BCAS3: variants seen among roughly 807,000 people sequenced by gnomAD.
The protein encoded by BCAS3 is BCAS4/BCAS3 fusion.
Under a neutral mutation model 116.1 loss-of-function variants are expected in BCAS3, and 53 were observed. The ratio of observed to expected loss-of-function variants is 0.46; its 90% confidence interval spans 0.37 to 0.57. BCAS3 has a LOEUF of 0.57. Among genes scored for constraint, BCAS3 ranks in the 20% least tolerant of loss-of-function variants. The pLI is 0.00. For missense variants in BCAS3, 917 were observed against 1,165.4 expected (o/e 0.79, Z 3.10); for synonymous variants, 391 against 408.2 (o/e 0.96, Z 0.51).
At chr17:60,817,587 G>A (rs1015701720) in intron 7 of BCAS3, among the ~76,000 whole-genome samples, 5 of 152,186 alleles carry the variant, frequency 3.3e-5, no homozygotes, top group African/African-American at 1.2e-4. Flanking sequence ...TGTTGTAGAT[G>A]AAGAAAAGAG....
In BCAS3 at chr17:61,196,211, A is replaced by G. The variant is rs1384795027; in HGVS notation, c.2425+111647A>G. 6.6e-6 allele frequency among the ~76,000 whole-genome samples: 1 copy of G among 152,212 alleles called. No individual in the cohort carries two copies. The highest frequency in any genetic ancestry group is 1.5e-5 in the Non-Finnish European group (1 of 68,032). ...CTAGAGAGACGTTATTCCGTAACACAGTGAATCTCAGAATTTATTTTTTCA... is the reference window on the plus strand; with the variant it reads ...CTAGAGAGACGTTATTCCGTAACACGGTGAATCTCAGAATTTATTTTTTCA... On this transcript the variant is annotated intron_variant, in intron 22 of 23. Coordinates refer to ENST00000407086, the MANE Select transcript of BCAS3 (RefSeq NM_017679.5). The surrounding 1 kb of genome is among the most constrained non-coding windows in gnomAD (Gnocchi z 4.7).
At chr17:61,252,037 T>C (rs1568670478) in intron 22 of BCAS3, among the ~76,000 whole-genome samples, 5 of 152,222 alleles carry the variant, frequency 3.3e-5, no homozygotes, top group African/African-American at 1.2e-4. Flanking sequence ...AAGAAACAGA[T>C]ACTACAGTTT....
intron 4 of BCAS3, among the ~76,000 whole-genome samples, chr17:60,699,600 A>G (rs541315774): frequency 1.8e-4 from 27 of 152,220 alleles, no homozygotes; most frequent in Non-Finnish European, 3.4e-4. Flanking sequence ...TTTGCTGGAT[A>G]TGGAATCATG....
intron 22 of BCAS3, among the ~76,000 whole-genome samples, chr17:61,301,487 A>G (rs954266857): frequency 3.3e-5 from 5 of 152,052 alleles, no homozygotes; most frequent in African/African-American, 9.7e-5. Flanking sequence ...AATACAAAAA[A>G]TTAGCTGGGC....
rs2079755468 is a variant in BCAS3 at position 61,186,068 on chromosome 17, A to G, written c.2425+101504A>G. 6.6e-6 allele frequency among the ~76,000 whole-genome samples: 1 copy of G among 152,170 alleles called. No homozygotes were observed. The highest frequency in any genetic ancestry group is 1.5e-5 in the Non-Finnish European group (1 of 67,998). ...ACATTAGGATGGAGGGTGAAATATA[A>G]TTTTTATTTTTTTGCCTAATAGCCA... is the stretch of plus-strand genomic sequence containing the variant. On this transcript the variant is annotated intron_variant, in intron 22 of 23. Transcript: ENST00000407086. This position sits in a 1 kb window ranked among gnomAD's most constrained non-coding sequence, Gnocchi z 4.9.
chr17:61,322,842 G>GAC (rs1568850743), intron 22 of BCAS3, among the ~76,000 whole-genome samples: 7 of 146,872 alleles, frequency 4.8e-5, no homozygotes, highest in Non-Finnish European at 7.5e-5. Context: ...GAGAGAGAGA[G>GAC]AGAGAGAGAG....
chr17:60,809,911 G>T (rs2048640167), intron 7 of BCAS3, among the ~76,000 whole-genome samples: 1 of 152,106 alleles, frequency 6.6e-6, no homozygotes, highest in African/African-American at 2.4e-5. Context: ...TTAAAGTAAT[G>T]CAAGAATAAA....
chr17:61,221,372 C>T (rs1051714688), intron 22 of BCAS3, among the ~76,000 whole-genome samples: 1 of 152,182 alleles, frequency 6.6e-6, no homozygotes, highest in Non-Finnish European at 1.5e-5. Flanking sequence ...AAAAAATCTC[C>T]TATCAGACAC....
intron 5 of BCAS3, among the ~76,000 whole-genome samples, chr17:60,730,479 T>A (rs1421525933): frequency 1.3e-5 from 2 of 152,098 alleles, no homozygotes; most frequent in East Asian, 3.8e-4. Flanking sequence ...ATGGCTTGCA[T>A]TTTTTTTCTT....
chr17:61,332,077 A>G lies in BCAS3; in HGVS notation c.2426-36250A>G, dbSNP rs911876391. On this transcript the variant is annotated intron_variant, in intron 22 of 23. Transcript: ENST00000407086. The surrounding 1 kb of genome is among the most constrained non-coding windows in gnomAD (Gnocchi z 5.4). ...ATGTGGGTCTCGACCTCCCATGAGC[A>G]GGGCGAGGCTGCCTCAGACAAGTGC... is the stretch of plus-strand genomic sequence containing the variant. 6.6e-6 allele frequency among the ~76,000 whole-genome samples: 1 copy of G among 152,268 alleles called. No individual in the cohort carries two copies. Among genetic ancestry groups the G allele is most frequent in the East Asian group, 1.9e-4 (1 of 5,182 alleles).
At chr17:61,280,412 A>G (rs1175858170) in intron 22 of BCAS3, among the ~76,000 whole-genome samples, 5 of 152,214 alleles carry the variant, frequency 3.3e-5, no homozygotes, top group African/African-American at 4.8e-5. Flanking sequence ...ACTGAGTCCA[A>G]CTTGGGGAGG....
At chr17:60,917,626 C>G (rs936864773) in intron 12 of BCAS3, among the ~76,000 whole-genome samples, 2 of 151,322 alleles carry the variant, frequency 1.3e-5, no homozygotes, top group Admixed American at 1.3e-4. Flanking sequence ...TGGAGTCTTG[C>G]TCTGTTACCA....
At chr17:61,046,068 TA>T (rs1226875384) in intron 19 of BCAS3, among the ~76,000 whole-genome samples, 2 of 28,602 alleles carry the variant, frequency 7.0e-5, no homozygotes, top group Non-Finnish European at 1.0e-4. Flanking sequence ...TATATATATA[TA>T]ATATATATAT....
In BCAS3 at chr17:61,162,281, C is replaced by T. The variant is rs958485089; in HGVS notation, c.2425+77717C>T. 2.0e-5 allele frequency among the ~76,000 whole-genome samples: 3 copies of T among 152,000 alleles called. No homozygotes were observed. The highest frequency in any genetic ancestry group is 4.4e-5 in the Non-Finnish European group (3 of 67,992). ...GGAAGTGGGAGCCTAGTTAAGATTC[C>T]GATTCTCTGTGGGATGGGGATAGGT... On this transcript the variant is annotated intron_variant, in intron 22 of 23. Transcript: ENST00000407086. The surrounding 1 kb of genome is among the most constrained non-coding windows in gnomAD (Gnocchi z 5.6).
At chr17:60,764,199 A>G (rs138159690) in intron 6 of BCAS3, among the ~76,000 whole-genome samples, 6,629 of 150,738 alleles carry the variant, frequency 0.044, 472 homozygotes, top group African/African-American at 0.15. Context: ...ATCTCCTTCA[A>G]TTCTGCTCTG....
Position 60,866,318 on chromosome 17 carries a change from G to T in BCAS3, c.477-2258G>T, listed in dbSNP as rs555925877. Reference sequence around the variant, plus strand: ...TAATTTTTGTATTTTTAGTAGAGACGGGGTTTCTCCATGTTGGTCAGGCTG... The same window carrying T: ...TAATTTTTGTATTTTTAGTAGAGACTGGGTTTCTCCATGTTGGTCAGGCTG... On this transcript the variant is annotated intron_variant, in intron 7 of 23. Coordinates refer to ENST00000407086, the MANE Select transcript of BCAS3 (RefSeq NM_017679.5). 4.6e-5 allele frequency among the ~76,000 whole-genome samples: 7 copies of T among 151,906 alleles called. No homozygotes were observed. In the South Asian group the frequency reaches 1.5e-3, roughly 32 times the overall value.
chr17:60,678,137 T>G (rs1194886324), intron 1 of BCAS3, among the ~76,000 whole-genome samples: 1 of 152,072 alleles, frequency 6.6e-6, no homozygotes, highest in African/African-American at 2.4e-5. Context: ...TTCAGGAGAC[T>G]GGGGCCTGAG....
chr17:61,230,708 T>G (rs2082625085), intron 22 of BCAS3, among the ~76,000 whole-genome samples: 1 of 152,170 alleles, frequency 6.6e-6, no homozygotes, highest in African/African-American at 2.4e-5. Flanking sequence ...GCACCAAGGT[T>G]GATTCCATGT....
Position 61,069,876 on chromosome 17 carries a change from G to A in BCAS3, c.2030-5044G>A, listed in dbSNP as rs191077313. On this transcript the variant is annotated intron_variant, in intron 19 of 23. Coordinates refer to ENST00000407086, the MANE Select transcript of BCAS3 (RefSeq NM_017679.5). ...AAAAAGACCCTTTTCACAAGATGGCGCCGAAAGCGAAGAAGGAAGCTCCTG... is the reference window on the plus strand; with the variant it reads ...AAAAAGACCCTTTTCACAAGATGGCACCGAAAGCGAAGAAGGAAGCTCCTG... The A allele has an allele frequency of 4.9e-3, 4,713 of 966,578 alleles. 117 individuals carry two copies. In the African/African-American group the frequency reaches 0.058, roughly 12 times the overall value. 59.9% of individuals were successfully genotyped at this position (966,578 alleles called of 1,614,324 possible).
Sources: gnomAD v4.1 joint callset for allele counts (sites outside exome capture counted in the v4.1 genomes callset) on GRCh38, gnomAD v4.1.1 for gene constraint, Gnocchi (gnomAD v3.1) non-coding constraint, MANE v1.5 for transcripts, NCBI Gene and HGNC (gene_info 2026-07-23, HGNC 2026-07-21) for gene names.